The following PCDHA3 variants were observed in gnomAD, a reference collection of about 807,000 sequenced individuals.
PCDHA3 encodes protocadherin alpha 3.
A neutral mutation model predicts 62.2 loss-of-function variants in PCDHA3; 41 were observed. The ratio of observed to expected loss-of-function variants is 0.66; its 90% CI spans 0.51 to 0.86. The LOEUF (loss-of-function observed/expected upper bound fraction) is 0.86, where lower values mean the gene tolerates loss of function less well. Among genes scored for constraint, PCDHA3 ranks in the 40% least tolerant of loss-of-function variants. PCDHA3 has a pLI of 0.00. For synonymous variants in PCDHA3, 640 were observed against 555.4 expected, an observed-to-expected ratio of 1.15 and a Z score of -2.14; for missense variants, 1,304 against 1,241.2, an observed-to-expected ratio of 1.05 and a Z score of -0.76.
At chr5:140,966,839 C>T (rs782091529) in intron 1 of PCDHA3, 14 of 1,567,058 alleles carry the variant, frequency 8.9e-6, no homozygotes, top group Non-Finnish European at 1.1e-5. Flanking sequence ...CTGGCTGCTG[C>T]TACTGCCTCT....
intron 1 of PCDHA3, among the ~76,000 whole-genome samples, chr5:140,906,837 A>C (rs543572104): frequency 2.0e-4 from 31 of 152,292 alleles, no homozygotes; most frequent in African/African-American, 7.5e-4. Flanking sequence ...GACTGATTTC[A>C]TCTTGAGAGT....
At chr5:140,877,708 G>A in intron 1 of PCDHA3, 12 of 1,614,072 alleles carry the variant, frequency 7.4e-6, no homozygotes, top group Non-Finnish European at 1.0e-5. Flanking sequence ...CAGCGCCGTG[G>A]GGAGTTGGTC....
chr5:140,985,841 G>A (rs2097174040), intron 3 of PCDHA3, among the ~76,000 whole-genome samples: 1 of 145,238 alleles, frequency 6.9e-6, no homozygotes, highest in Admixed American at 7.3e-5. Context: ...CCGGGTTCAT[G>A]CCACTCTCCT....
At chr5:140,993,470 A>T (rs1348899420) in intron 3 of PCDHA3, among the ~76,000 whole-genome samples, 10 of 115,268 alleles carry the variant, frequency 8.7e-5, no homozygotes, top group East Asian at 7.9e-4. Flanking sequence ...TCTCACACAC[A>T]CACACACACA....
intron 1 of PCDHA3, among the ~76,000 whole-genome samples, chr5:140,906,871 A>G (rs953788729): frequency 6.6e-6 from 1 of 152,184 alleles, no homozygotes; most frequent in African/African-American, 2.4e-5. Flanking sequence ...CCCAGCCAAC[A>G]CTGTAACTTC....
rs1767740634 is a variant in PCDHA3, at chr5:140,823,512, G to C, written c.2394+19921G>C. 5.0e-6 allele frequency: 8 copies of C among 1,613,458 alleles called. No individual in the cohort carries two copies. The African/African-American group carries it at 6.7e-5, about 13-fold the overall frequency. ...GCACCGGCGGCGCAGTGAGCGAGCTGGTGCCGAGGTCAGTGGGTGCGGGCC... is the reference window on the plus strand; with the variant it reads ...GCACCGGCGGCGCAGTGAGCGAGCTCGTGCCGAGGTCAGTGGGTGCGGGCC... On this transcript the variant is annotated intron_variant, in intron 1 of 3. Transcript: ENST00000522353.
chr5:140,914,639 G>C (rs1348153716), intron 1 of PCDHA3, among the ~76,000 whole-genome samples: 5 of 151,890 alleles, frequency 3.3e-5, no homozygotes, highest in Admixed American at 3.3e-4. Context: ...TGGTTTCATG[G>C]TCATCTCTCC....
chr5:140,977,074 T>C (rs1315038002), intron 1 of PCDHA3, among the ~76,000 whole-genome samples: 1 of 152,244 alleles, frequency 6.6e-6, no homozygotes, highest in Admixed American at 6.5e-5. Flanking sequence ...AATAGCAGCA[T>C]GACAAATTAA....
In PCDHA3 at chr5:140,807,403, A is replaced by G. The variant is rs3822350; in HGVS notation, c.2394+3812A>G. 3.1e-5 allele frequency: 44 copies of G among 1,410,564 alleles called. 2 individuals carry two copies. Among genetic ancestry groups the G allele is most frequent in the Admixed American group, 1.4e-4 (7 of 49,960 alleles). The allele number at this position is 1,410,564 out of a possible 1,614,324, so 87.4% of individuals were successfully genotyped here. A position where few individuals can be genotyped will look rare whatever the true frequency, so the allele number is the denominator to read the frequency against. On this transcript the variant is annotated intron_variant, in intron 1 of 3. Coordinates refer to ENST00000522353, the MANE Select transcript of PCDHA3 (RefSeq NM_018906.3). ...TCCGGGTGGCGTCCAAGGGCCGCGGAGGCCTTCTGGAGGTAAATCTGCAGA... is the reference window on the plus strand; with the variant it reads ...TCCGGGTGGCGTCCAAGGGCCGCGGGGGCCTTCTGGAGGTAAATCTGCAGA...
rs2150101558 is a variant in PCDHA3, at chr5:140,818,539, A to G, written c.2394+14948A>G. On this transcript the variant is annotated intron_variant, in intron 1 of 3. Coordinates refer to ENST00000522353, the MANE Select transcript of PCDHA3 (RefSeq NM_018906.3). ...ACCTGAGAGATTATCATTTTTCTCC[A>G]TTTAATAATGAATCAGGCCAGGCAT... Among the ~76,000 whole-genome samples, 1,266 of 152,316 alleles carry G rather than the reference A, an allele frequency of 8.3e-3. 19 individuals are homozygous for G. Among genetic ancestry groups the G allele is most frequent in the African/African-American group, 0.029 (1,212 of 41,572 alleles).
At chr5:140,956,740 C>T in intron 1 of PCDHA3, among the ~76,000 whole-genome samples, 1 of 152,122 alleles carries the variant, frequency 6.6e-6, no homozygotes, top group East Asian at 1.9e-4. Context: ...CCTCTTTGTA[C>T]CTCTGATAGA....
chr5:141,005,990 A>G (rs1375805001), intron 3 of PCDHA3, among the ~76,000 whole-genome samples: 6 of 151,998 alleles, frequency 3.9e-5, no homozygotes, highest in Admixed American at 3.9e-4. Flanking sequence ...GTGTTTGAGG[A>G]TCTGAAAGAA....
At chr5:140,914,248 G>T (rs1228200797) in intron 1 of PCDHA3, among the ~76,000 whole-genome samples, 1 of 151,850 alleles carries the variant, frequency 6.6e-6, no homozygotes, top group Non-Finnish European at 1.5e-5. Flanking sequence ...TTTATATCTG[G>T]GTGCTTCAAT....
At position 140,977,766 on chromosome 5, in the gene PCDHA3, G is replaced by C. The variant is rs559146656; in HGVS notation, c.2395-1183G>C. ...AAGAAATGTGTTTATTAAATACTTTGCATCCCTTAAAGGAACTATATGAAT... is the reference window on the plus strand; with the variant it reads ...AAGAAATGTGTTTATTAAATACTTTCCATCCCTTAAAGGAACTATATGAAT... On this transcript the variant is annotated intron_variant, in intron 1 of 3. Coordinates refer to ENST00000522353, the MANE Select transcript of PCDHA3 (RefSeq NM_018906.3). Among the ~76,000 whole-genome samples, 3 of 152,272 alleles carry C rather than the reference G, an allele frequency of 2.0e-5. No homozygotes were observed. In the South Asian group the frequency reaches 6.2e-4, roughly 32 times the overall value.
At chr5:140,830,527 A>C in intron 1 of PCDHA3, 1 of 1,307,954 alleles carries the variant, frequency 7.6e-7, no homozygotes, top group Non-Finnish European at 1.0e-6. Context: ...TTTATTTTAA[A>C]TTTATAATTG....
rs199727548 is a variant in PCDHA3, at chr5:140,829,646, G to C, written c.2394+26055G>C. ...GCACGCGGAGAGCGGCAAGGTGTAC[G>C]CGCTGCAGCCGCTGGACCACGAGGA... On this transcript the variant is annotated intron_variant, in intron 1 of 3. Transcript: ENST00000522353. 1 of 1,612,258 alleles carries C rather than the reference G, an allele frequency of 6.2e-7. No individual in the cohort carries two copies. Among genetic ancestry groups the C allele is most frequent in the Admixed American group, 1.7e-5 (1 of 59,998 alleles).
In PCDHA3 at chr5:140,877,367, G is replaced by C. The variant is rs201967192; in HGVS notation, c.2394+73776G>C. On this transcript the variant is annotated intron_variant, in intron 1 of 3. Transcript: ENST00000522353. ...GTGGGGCTGTACACTGGCGAGATCA[G>C]CACGACACGCATCCTGGATGAGGCG... is the stretch of plus-strand genomic sequence containing the variant. 1.0e-4 allele frequency: 167 copies of C among 1,614,018 alleles called. No homozygotes were observed. The highest frequency in any genetic ancestry group is 4.9e-4 in the Middle Eastern group (3 of 6,062).
At chr5:140,997,656 T>G (rs2153947694) in intron 3 of PCDHA3, among the ~76,000 whole-genome samples, 1 of 149,610 alleles carries the variant, frequency 6.7e-6, no homozygotes. Flanking sequence ...GCAATATGTA[T>G]TATTATACAG....
At chr5:140,908,846 T>A (rs2074185614) in intron 1 of PCDHA3, among the ~76,000 whole-genome samples, 1 of 152,294 alleles carries the variant, frequency 6.6e-6, no homozygotes, top group East Asian at 1.9e-4. Flanking sequence ...TGGAGTAACA[T>A]ACCCAAATGA....
Sources: allele counts gnomAD v4.1 joint callset (sites outside exome capture counted in the v4.1 genomes callset), GRCh38; gene constraint gnomAD v4.1.1; transcripts MANE v1.5; gene names NCBI Gene and HGNC (gene_info 2026-07-23, HGNC 2026-07-21).